Variants in SLC9A9 observed in about 807,000 individuals in gnomAD.
The protein encoded by SLC9A9 is sodium/hydrogen exchanger 9.
In SLC9A9, 62 loss-of-function variants were observed where a neutral mutation model predicts 77.8. The ratio of observed to expected loss-of-function variants is 0.80; its 90% confidence interval spans 0.65 to 0.98. The LOEUF (loss-of-function observed/expected upper bound fraction) is 0.98, where lower values mean the gene tolerates loss of function less well. Among genes scored for constraint, SLC9A9 ranks in the 50% least tolerant of loss-of-function variants. The pLI is 0.00. For missense variants in SLC9A9, 775 were observed against 774.9 expected (o/e 1.00, Z 0.00); for synonymous variants, 320 against 283.5 (o/e 1.13, Z -1.29).
intron 14 of SLC9A9, among the ~76,000 whole-genome samples, chr3:143,321,663 A>G (rs1232861957): frequency 6.6e-6 from 1 of 152,248 alleles, no homozygotes; most frequent in Non-Finnish European, 1.5e-5. Flanking sequence ...ATTATCAGTA[A>G]GGTCCAAAGA....
At chr3:143,689,697 ACTGTTCC>A (rs1459429710) in intron 5 of SLC9A9, among the ~76,000 whole-genome samples, 1 of 152,112 alleles carries the variant, frequency 6.6e-6, no homozygotes. Flanking sequence ...GGTGTGGGCC[ACTGTTCC>A]CAGCTGAGAA....
intron 14 of SLC9A9, among the ~76,000 whole-genome samples, chr3:143,353,339 C>G (rs771814140): frequency 6.6e-6 from 1 of 152,174 alleles, no homozygotes; most frequent in South Asian, 2.1e-4. Context: ...AGAGGTGGAG[C>G]TTTTGGGAGG....
chr3:143,474,896 T>G (rs1247886721), intron 11 of SLC9A9, among the ~76,000 whole-genome samples: 1 of 151,850 alleles, frequency 6.6e-6, no homozygotes, highest in Non-Finnish European at 1.5e-5. Context: ...GCTGTGCCCA[T>G]CATCTCAGTC....
chr3:143,553,969 T>A (rs1302536274), intron 8 of SLC9A9, among the ~76,000 whole-genome samples: 1 of 152,228 alleles, frequency 6.6e-6, no homozygotes. Flanking sequence ...GATTACCCTG[T>A]ATACTGTTTT....
At chr3:143,679,683 T>G (rs1440866154) in intron 5 of SLC9A9, among the ~76,000 whole-genome samples, 4 of 152,164 alleles carry the variant, frequency 2.6e-5, no homozygotes, top group African/African-American at 9.7e-5. Flanking sequence ...TTTGAGGCCC[T>G]TCTCCAATAC....
chr3:143,307,013 C>A (rs551109351), intron 14 of SLC9A9, among the ~76,000 whole-genome samples: 2 of 152,152 alleles, frequency 1.3e-5, no homozygotes, highest in Non-Finnish European at 2.9e-5. Context: ...ACTCTCTGTC[C>A]GAGACACATT....
chr3:143,797,109 C>T (rs1175191199), intron 2 of SLC9A9, among the ~76,000 whole-genome samples: 1 of 151,046 alleles, frequency 6.6e-6, no homozygotes, highest in African/African-American at 2.4e-5. Context: ...GTAAAATCTA[C>T]ATACTTCCAC....
chr3:143,656,913 T>A (rs1204836322), intron 5 of SLC9A9, among the ~76,000 whole-genome samples: 4 of 152,214 alleles, frequency 2.6e-5, no homozygotes, highest in African/African-American at 4.8e-5. Flanking sequence ...AAAATGATTA[T>A]TGTGAAAATG....
chr3:143,598,024 C>G (rs1190127450), intron 6 of SLC9A9, among the ~76,000 whole-genome samples: 3 of 152,130 alleles, frequency 2.0e-5, no homozygotes, highest in Non-Finnish European at 4.4e-5. Flanking sequence ...GGCCTGCAGA[C>G]AAAAGGTTCT....
intron 4 of SLC9A9, among the ~76,000 whole-genome samples, chr3:143,771,104 CA>C (rs1385084142): frequency 5.9e-5 from 9 of 152,020 alleles, no homozygotes; most frequent in Admixed American, 5.9e-4. Context: ...ATCCAAATGA[CA>C]AAGGTGAGAT....
intron 12 of SLC9A9, among the ~76,000 whole-genome samples, chr3:143,420,872 T>A (rs2034286192): frequency 6.6e-6 from 1 of 152,120 alleles, no homozygotes; most frequent in African/African-American, 2.4e-5. Flanking sequence ...TTCTATCATA[T>A]CAGCAAAGAA....
chr3:143,740,755 A>C (rs982508436), intron 4 of SLC9A9, among the ~76,000 whole-genome samples: 2 of 152,246 alleles, frequency 1.3e-5, no homozygotes, highest in African/African-American at 4.8e-5. Context: ...CTGACCTAAA[A>C]GATTTTGGAA....
chr3:143,511,446 T>C (rs1472411870), intron 9 of SLC9A9, among the ~76,000 whole-genome samples: 1 of 152,216 alleles, frequency 6.6e-6, no homozygotes, highest in Admixed American at 6.5e-5. Flanking sequence ...ATTTGCTATC[T>C]CGTCAGCACT....
chr3:143,699,852 C>T (rs1052892184), intron 4 of SLC9A9, among the ~76,000 whole-genome samples: 11 of 151,924 alleles, frequency 7.2e-5, no homozygotes, highest in Non-Finnish European at 1.2e-4. Flanking sequence ...CACCAGTCAG[C>T]GTGGCTAATG....
intron 9 of SLC9A9, among the ~76,000 whole-genome samples, chr3:143,550,298 G>A (rs919927172): frequency 6.6e-6 from 1 of 152,132 alleles, no homozygotes; most frequent in African/African-American, 2.4e-5. Flanking sequence ...GCATCACCAT[G>A]TTTATTATAA....
intron 11 of SLC9A9, among the ~76,000 whole-genome samples, chr3:143,489,975 T>C (rs2035712218): frequency 6.6e-6 from 1 of 152,134 alleles, no homozygotes; most frequent in South Asian, 2.1e-4. Context: ...GAGCTATTAC[T>C]TCATACCCAT....
chr3:143,768,513 C>T (rs1206624348), intron 4 of SLC9A9, among the ~76,000 whole-genome samples: 1 of 152,138 alleles, frequency 6.6e-6, no homozygotes, highest in Non-Finnish European at 1.5e-5. Flanking sequence ...GGCATTGGAA[C>T]TACAGGGGAT....
chr3:143,756,831 A>G (rs2006942959), intron 4 of SLC9A9, among the ~76,000 whole-genome samples: 1 of 152,210 alleles, frequency 6.6e-6, no homozygotes, highest in Non-Finnish European at 1.5e-5. Flanking sequence ...TATCCAAAGA[A>G]GCACAGAGCT....
intron 12 of SLC9A9, among the ~76,000 whole-genome samples, chr3:143,415,791 T>C (rs1369835901): frequency 6.6e-6 from 1 of 152,232 alleles, no homozygotes. Context: ...ATAGCTGCCA[T>C]AGATAGTGAT....
Sources: allele counts gnomAD v4.1 joint callset (sites outside exome capture counted in the v4.1 genomes callset), GRCh38; gene constraint gnomAD v4.1.1; transcripts MANE v1.5; gene names NCBI Gene and HGNC (gene_info 2026-07-23, HGNC 2026-07-21).